The following EPB41L2 variants were observed in gnomAD, a reference collection of about 807,000 sequenced individuals.
EPB41L2 encodes erythrocyte membrane protein band 4.1 like 2.
In EPB41L2, 43 loss-of-function variants were observed where a neutral mutation model predicts 113.0. That is an observed-to-expected ratio of 0.38 (90% confidence interval 0.30 to 0.49). EPB41L2 has a LOEUF of 0.49. EPB41L2 is among the 20% of genes least tolerant of loss of function. The pLI, the probability that EPB41L2 is intolerant of heterozygous loss-of-function variation, is 0.95. For synonymous variants in EPB41L2, 442 were observed against 436.7 expected (o/e 1.01, Z -0.15); for missense variants, 1,147 against 1,223.4 (o/e 0.94, Z 0.93).
intron 1 of EPB41L2, among the ~76,000 whole-genome samples, chr6:131,011,879 G>C (rs1787072194): frequency 6.6e-6 from 1 of 152,122 alleles, no homozygotes; most frequent in African/African-American, 2.4e-5. Context: ...TGAGAAAACA[G>C]ATGGATATCC....
At chr6:130,840,964 T>C (rs906941621) in intron 19 of EPB41L2, among the ~76,000 whole-genome samples, 1 of 152,144 alleles carries the variant, frequency 6.6e-6, no homozygotes, top group African/African-American at 2.4e-5. Flanking sequence ...CTATTTTCTT[T>C]GTGCTAAAAC....
intron 2 of EPB41L2, 98 bp downstream of exon 2, chr6:130,955,896 T>C: frequency 6.6e-7 from 1 of 1,517,774 alleles, no homozygotes; most frequent in Non-Finnish European, 8.8e-7. Context: ...AGTATCTCAG[T>C]ACAAGAAATC....
rs1362413772 is a variant in EPB41L2 at position 130,839,375 on chromosome 6, A to C, written c.*1229T>G. 3 of 152,214 alleles carry C rather than the reference A, an allele frequency of 2.0e-5. No individual in the cohort carries two copies. Among genetic ancestry groups the C allele is most frequent in the Non-Finnish European group, 4.4e-5 (3 of 68,034 alleles). 9.4% of individuals were successfully genotyped at this position (152,214 alleles called of 1,614,324 possible). A position where few individuals can be genotyped will look rare whatever the true frequency, so the allele number is the denominator to read the frequency against. On this transcript the variant is annotated 3_prime_UTR_variant, in exon 20 of 20. Transcript: ENST00000337057. ...AGAGAATAAACAAACTTTATTTTAT[A>C]ATAGTATTACAGGAAGCAAAATATC... is the stretch of plus-strand genomic sequence containing the variant.
intron 1 of EPB41L2, chr6:130,970,348 G>A (rs1776470304): frequency 6.6e-6 from 1 of 152,220 alleles, no homozygotes; most frequent in Non-Finnish European, 1.5e-5. Context: ...GTGGAAAGCT[G>A]ATGGAAATCC....
chr6:130,882,396 A>C (rs987845312), intron 12 of EPB41L2: 2 of 152,606 alleles, frequency 1.3e-5, no homozygotes, highest in African/African-American at 2.4e-5. Flanking sequence ...ATGTGCAGGT[A>C]CTACTATGTT....
chr6:130,886,608 T>C (rs1324106964), intron 11 of EPB41L2, among the ~76,000 whole-genome samples: 1 of 149,490 alleles, frequency 6.7e-6, no homozygotes, highest in Non-Finnish European at 1.5e-5. Context: ...AGTATAGTTA[T>C]TTTCCAGCGG....
Position 130,957,460 on chromosome 6 carries a change from G to A in EPB41L2, c.-14-961C>T, listed in dbSNP as rs543713399. On this transcript the variant is annotated intron_variant, in intron 1 of 19. Transcript: ENST00000337057. ...GCCAATAATAAGTGCCCAGAGTCCT[G>A]GCACCCTGGACAACGAGTAGTGTCC... Among the ~76,000 whole-genome samples the A allele has an allele frequency of 3.3e-5, 5 of 152,230 alleles. No individual in the cohort carries two copies. The East Asian group carries it at 9.6e-4, about 29-fold the overall frequency.
intron 19 of EPB41L2, among the ~76,000 whole-genome samples, chr6:130,846,149 C>G (rs1248639233): frequency 6.6e-6 from 1 of 152,090 alleles, no homozygotes; most frequent in African/African-American, 2.4e-5. Context: ...TGATAGCTTC[C>G]CGATATTAAG....
chr6:130,909,518 G>C (rs1053067562), intron 4 of EPB41L2, among the ~76,000 whole-genome samples: 1 of 152,150 alleles, frequency 6.6e-6, no homozygotes, highest in Non-Finnish European at 1.5e-5. Context: ...AGACTGCTGT[G>C]CTGGCAGCTC....
Position 130,867,559 on chromosome 6 carries a change from A to G in EPB41L2, c.2630T>C (p.Met877Thr). 1 of 1,613,954 alleles carries G rather than the reference A, an allele frequency of 6.2e-7. No individual in the cohort carries two copies. Among genetic ancestry groups the G allele is most frequent in the East Asian group, 2.2e-5 (1 of 44,852 alleles). ...TTGTGAGGCATCAGAAATTGTTACCATCTCTGTTTTTACCACTGGTGGCTG... is the reference window on the plus strand; with the variant it reads ...TTGTGAGGCATCAGAAATTGTTACCGTCTCTGTTTTTACCACTGGTGGCTG... ...CSEPPVVKTE[M>T]VTISDASQRT... The change falls in exon 16 of 20, where the codon ATG becomes ACG. Residue 877 changes from methionine to threonine, a missense_variant. Met to Thr is a moderately conservative substitution (Grantham distance 81, BLOSUM62 -1). Coordinates refer to ENST00000337057, the MANE Select transcript of EPB41L2 (RefSeq NM_001431.4).
intron 1 of EPB41L2, among the ~76,000 whole-genome samples, chr6:130,996,329 C>T (rs1783090576): frequency 6.6e-6 from 1 of 152,198 alleles, no homozygotes; most frequent in Admixed American, 6.5e-5. Context: ...GTACCTCTGC[C>T]CCAGATGACA....
At chr6:130,935,414 C>T (rs911068426) in intron 3 of EPB41L2, among the ~76,000 whole-genome samples, 3 of 152,130 alleles carry the variant, frequency 2.0e-5, no homozygotes, top group African/African-American at 7.2e-5. Flanking sequence ...GTTCTTCCAC[C>T]CCAGTCTGCT....
chr6:130,911,631 G>A (rs1282312323), intron 4 of EPB41L2, among the ~76,000 whole-genome samples: 2 of 152,092 alleles, frequency 1.3e-5, no homozygotes, highest in African/African-American at 2.4e-5. Context: ...AACTGTTACA[G>A]CATCTTAAAG....
intron 1 of EPB41L2, among the ~76,000 whole-genome samples, chr6:131,007,305 G>A (rs546372270): frequency 2.6e-4 from 39 of 152,222 alleles, no homozygotes; most frequent in South Asian, 1.9e-3. Flanking sequence ...CTCTCCTGCC[G>A]CCCTGTGAGG....
chr6:130,900,302 A>G (rs1006787288), intron 7 of EPB41L2, among the ~76,000 whole-genome samples: 1 of 152,232 alleles, frequency 6.6e-6, no homozygotes. Context: ...TTCCTTTCAG[A>G]TCACTTTAGT....
At chr6:130,857,335 CT>C (rs1373050239) in intron 19 of EPB41L2, among the ~76,000 whole-genome samples, 6 of 152,130 alleles carry the variant, frequency 3.9e-5, no homozygotes, top group Non-Finnish European at 8.8e-5. Flanking sequence ...ATTTAATTCT[CT>C]GCCCATTTTT....
chr6:130,902,421 A>G (rs146927216), intron 6 of EPB41L2, among the ~76,000 whole-genome samples: 59 of 152,326 alleles, frequency 3.9e-4, no homozygotes, highest in Non-Finnish European at 6.6e-4. Context: ...TATCATCACT[A>G]TAGTCCCACA....
At chr6:130,901,284 A>C (rs562097737) in intron 6 of EPB41L2, 104 bp from the exon 7 acceptor site, 27 of 893,476 alleles carry the variant, frequency 3.0e-5, no homozygotes, top group Non-Finnish European at 4.6e-5. Context: ...CAAATATACA[A>C]TATAGGCACT....
intron 1 of EPB41L2, among the ~76,000 whole-genome samples, chr6:130,968,987 CCAA>C (rs1776060517): frequency 6.6e-6 from 1 of 152,034 alleles, no homozygotes; most frequent in Non-Finnish European, 1.5e-5. Context: ...GCAAGCAAAA[CCAA>C]CGTCAAAGTT....
Sources: allele counts gnomAD v4.1 joint callset (sites outside exome capture counted in the v4.1 genomes callset), GRCh38; gene constraint gnomAD v4.1.1; transcripts MANE v1.5; gene names NCBI Gene and HGNC (gene_info 2026-07-23, HGNC 2026-07-21).